AAK1: variants seen among roughly 807,000 people sequenced by gnomAD.
AAK1 encodes AP2 associated kinase 1.
Under a neutral mutation model 116.0 loss-of-function variants are expected in AAK1, and 37 were observed. The observed-to-expected ratio is 0.32, with a 90% CI of 0.25 to 0.42. AAK1 has a LOEUF of 0.42. Among genes scored for constraint, AAK1 ranks in the 10% least tolerant of loss-of-function variants. AAK1 has a pLI of 1.00. For missense variants in AAK1, 919 were observed against 1,170.6 expected, an observed-to-expected ratio of 0.79 and a Z score of 3.14; for synonymous variants, 458 against 439.9, an observed-to-expected ratio of 1.04 and a Z score of -0.51.
chr2:69,614,324 C>A (rs939673692), intron 2 of AAK1, among the ~76,000 whole-genome samples: 3 of 152,100 alleles, frequency 2.0e-5, no homozygotes, highest in Non-Finnish European at 4.4e-5. Flanking sequence ...TGAAGGAAGG[C>A]AGACATGGAG....
At position 69,596,221 on chromosome 2, in the gene AAK1, C is replaced by CTT. The variant is rs112330025; in HGVS notation, c.164-39245_164-39244dup. On this transcript the variant is annotated intron_variant, in intron 2 of 21. Coordinates refer to ENST00000409085, the MANE Select transcript of AAK1 (RefSeq NM_014911.5). ...CTCATGGATCAAGGAGTAATTTTGA[C>CTT]TTTTTTTTTTTTTTTTTGAGACAAA... 3.9e-3 allele frequency among the ~76,000 whole-genome samples: 543 copies of CTT among 138,046 alleles called. 11 individuals are homozygous for CTT. The highest frequency in any genetic ancestry group is 0.013 in the African/African-American group (489 of 36,604). The allele number at this position is 138,046 out of a possible 152,430, so 90.6% of individuals were successfully genotyped here.
chr2:69,481,317 A>C (rs1250618935), intron 18 of AAK1: 1 of 158,730 alleles, frequency 6.3e-6, no homozygotes, highest in Non-Finnish European at 1.4e-5. Context: ...ACTAATGATC[A>C]GTTCTCATAA....
Position 69,464,224 on chromosome 2 carries a change from C to A in AAK1, c.*11645G>T, listed in dbSNP as rs1310465959. The A allele has an allele frequency of 4.6e-5, 7 of 151,866 alleles. No homozygotes were observed. Among genetic ancestry groups the A allele is most frequent in the African/African-American group, 9.7e-5 (4 of 41,264 alleles). 9.4% of individuals were successfully genotyped at this position (151,866 alleles called of 1,614,324 possible). On this transcript the variant is annotated 3_prime_UTR_variant, in exon 22 of 22. Transcript: ENST00000409085. ...ACAACAACAACAACAACAACAACAA[C>A]AAAACCACCCCAAAACAAGCAAGCC...
At position 69,482,445 on chromosome 2, in the gene AAK1, CT is replaced by C. The variant is rs1675126215; in HGVS notation, c.2467+265del. 6 of 601,540 alleles carry C rather than the reference CT, an allele frequency of 1.0e-5. No individual in the cohort carries two copies. The African/African-American group carries it at 1.1e-4, about 11-fold the overall frequency. The allele number at this position is 601,540 out of a possible 1,614,324, so 37.3% of individuals were successfully genotyped here. ...AACCAATTTTTTAAAGTTCTTCTAA[CT>C]AAATGTGAAACTTTCCACATTCCTC... On this transcript the variant is annotated intron_variant, in intron 18 of 21. Coordinates refer to ENST00000409085, the MANE Select transcript of AAK1 (RefSeq NM_014911.5).
chr2:69,484,085 A>C (rs1396887849), intron 17 of AAK1, among the ~76,000 whole-genome samples: 1 of 152,226 alleles, frequency 6.6e-6, no homozygotes, highest in African/African-American at 2.4e-5. Flanking sequence ...AGACATGTCA[A>C]CAACGTTCTT....
In AAK1 at chr2:69,467,249, G is replaced by T; in HGVS notation, c.*8620C>A. On this transcript the variant is annotated 3_prime_UTR_variant, in exon 22 of 22. Coordinates refer to ENST00000409085, the MANE Select transcript of AAK1 (RefSeq NM_014911.5). ...TCATAAAGATCTCCTCTGCTTAAATGAATCTGCCATAAAGTTCTTTAAGCA... is the reference window on the plus strand; with the variant it reads ...TCATAAAGATCTCCTCTGCTTAAATTAATCTGCCATAAAGTTCTTTAAGCA... The T allele has an allele frequency of 1.0e-6, 1 of 985,440 alleles. No individual in the cohort carries two copies. The highest frequency in any genetic ancestry group is 1.2e-6 in the Non-Finnish European group (1 of 829,930). The allele number at this position is 985,440 out of a possible 1,614,324, so 61.0% of individuals were successfully genotyped here. A position where few individuals can be genotyped will look rare whatever the true frequency, so the allele number is the denominator to read the frequency against.
chr2:69,643,680 G>C lies in AAK1; in HGVS notation c.-340C>G, dbSNP rs570400629. 373 of 1,223,168 alleles carry C rather than the reference G, an allele frequency of 3.0e-4. 2 individuals carry two copies. The East Asian group carries it at 7.5e-3, about 25-fold the overall frequency. The allele number at this position is 1,223,168 out of a possible 1,614,324, so 75.8% of individuals were successfully genotyped here. The stretch of plus-strand genomic sequence containing the variant: ...AAGAGGCGGCGCTGCAGCGAGAGCC[G>C]GGGCCGCGCTCGGCTCCCGCCCGCC... On this transcript the variant is annotated 5_prime_UTR_variant, in exon 1 of 22. Transcript: ENST00000409085.
intron 3 of AAK1, among the ~76,000 whole-genome samples, chr2:69,549,198 G>A (rs1345149098): frequency 2.6e-5 from 4 of 151,992 alleles, no homozygotes; most frequent in East Asian, 1.9e-4. Context: ...GTGAAACCGC[G>A]TCTCTACTAA....
At chr2:69,531,762 C>T (rs1052825904) in intron 6 of AAK1, 11 of 1,153,290 alleles carry the variant, frequency 9.5e-6, no homozygotes, top group Admixed American at 8.1e-5. Context: ...TTTTTATAGG[C>T]TCTGTGACAT....
At chr2:69,509,547 C>CA in intron 13 of AAK1, 87 bp from the exon 14 acceptor site, 1 of 1,123,120 alleles carries the variant, frequency 8.9e-7, no homozygotes, top group East Asian at 2.6e-5. Flanking sequence ...ACAACAACAA[C>CA]AAAAAATGCC....
intron 17 of AAK1, among the ~76,000 whole-genome samples, chr2:69,488,644 G>A (rs1397013092): frequency 6.6e-6 from 1 of 152,158 alleles, no homozygotes; most frequent in Admixed American, 6.5e-5. Context: ...GGGCTAGGGG[G>A]TCACCAAGCC....
intron 2 of AAK1, among the ~76,000 whole-genome samples, chr2:69,605,576 T>C (rs1444386287): frequency 1.3e-5 from 2 of 152,124 alleles, no homozygotes; most frequent in Admixed American, 6.6e-5. Flanking sequence ...GAAACTGACA[T>C]TGGCACAATC....
At chr2:69,586,898 C>A (rs1672789736) in intron 2 of AAK1, among the ~76,000 whole-genome samples, 1 of 152,114 alleles carries the variant, frequency 6.6e-6, no homozygotes, top group South Asian at 2.1e-4. Context: ...AAAATCTGCA[C>A]AGGTGAGCCT....
At chr2:69,485,101 C>A (rs563831559) in intron 17 of AAK1, among the ~76,000 whole-genome samples, 1 of 152,240 alleles carries the variant, frequency 6.6e-6, no homozygotes, top group African/African-American at 2.4e-5. Context: ...TCTAACTTTG[C>A]ATTGCTCCAA....
At chr2:69,583,566 T>C (rs547798559) in intron 2 of AAK1, among the ~76,000 whole-genome samples, 9 of 152,230 alleles carry the variant, frequency 5.9e-5, no homozygotes, top group Non-Finnish European at 7.3e-5. Context: ...GTATGTCTAC[T>C]GTACAAGCAG....
At chr2:69,643,332 C>T (rs1423326621) in intron 1 of AAK1, 58 bp from the exon 2 acceptor site, 9 of 1,323,906 alleles carry the variant, frequency 6.8e-6, no homozygotes, top group Non-Finnish European at 8.7e-6. Flanking sequence ...AAAATTCAAC[C>T]GCTGAGTCCT....
At chr2:69,611,204 C>T (rs1217981084) in intron 2 of AAK1, among the ~76,000 whole-genome samples, 2 of 152,148 alleles carry the variant, frequency 1.3e-5, no homozygotes, top group Non-Finnish European at 2.9e-5. Flanking sequence ...CAACTGGCTG[C>T]CAACGCGGCT....
chr2:69,627,373 G>A (rs1340174130), intron 2 of AAK1, among the ~76,000 whole-genome samples: 2 of 151,740 alleles, frequency 1.3e-5, no homozygotes, highest in African/African-American at 2.4e-5. Context: ...TAATAAGCAA[G>A]AAAATCTGCT....
intron 21 of AAK1, among the ~76,000 whole-genome samples, chr2:69,476,606 T>C (rs946673688): frequency 6.6e-6 from 1 of 152,248 alleles, no homozygotes; most frequent in Admixed American, 6.5e-5. Flanking sequence ...CCTTCAGGTT[T>C]CCACTGACTA....
Sources: gnomAD v4.1 joint callset for allele counts (sites outside exome capture counted in the v4.1 genomes callset) on GRCh38, gnomAD v4.1.1 for gene constraint, MANE v1.5 for transcripts, NCBI Gene and HGNC (gene_info 2026-07-23, HGNC 2026-07-21) for gene names.